The following NKX2-1 variants were observed in gnomAD, a reference collection of about 807,000 sequenced individuals.
NKX2-1 encodes the protein NK2 homeobox 1.
A neutral mutation model predicts 35.1 loss-of-function variants in NKX2-1; 9 were observed. That is an observed-to-expected ratio of 0.26 (90% CI 0.15 to 0.45). The LOEUF is 0.45. Among genes scored for constraint, NKX2-1 ranks in the 20% least tolerant of loss-of-function variants. The pLI, the probability that NKX2-1 is intolerant of heterozygous loss-of-function variation, is 1.00. For missense variants in NKX2-1, 509 were observed against 589.1 expected (o/e 0.86, Z 1.41); for synonymous variants, 284 against 269.9 (o/e 1.05, Z -0.51).
In NKX2-1 at chr14:36,520,203, C is replaced by G; in HGVS notation, c.-74G>C. 2 of 1,583,262 alleles carry G rather than the reference C, an allele frequency of 1.3e-6. No individual in the cohort carries two copies. Among genetic ancestry groups the G allele is most frequent in the South Asian group, 2.3e-5 (2 of 87,698 alleles). On this transcript the variant is annotated 5_prime_UTR_variant, in exon 1 of 3. Transcript: ENST00000354822. Reference sequence around the variant, plus strand: ...TCTGGGGACGAACCCTGGGGCCGCACTGTTGGTCTACGTGTCTGTCAGTCT... The same window carrying G: ...TCTGGGGACGAACCCTGGGGCCGCAGTGTTGGTCTACGTGTCTGTCAGTCT...
chr14:36,517,912 C>T lies in NKX2-1; in HGVS notation c.572G>A (p.Arg191His), dbSNP rs1881115573. 1 of 1,608,982 alleles carries T rather than the reference C, an allele frequency of 6.2e-7. No individual in the cohort carries two copies. Among genetic ancestry groups the T allele is most frequent in the Admixed American group, 1.7e-5 (1 of 59,878 alleles). ...CGAGAAGAGCACCCGGCGCTTCCTGCGCGGCGCGCTTGGCAGCGGGGCCAT... is the reference window on the plus strand; with the variant it reads ...CGAGAAGAGCACCCGGCGCTTCCTGTGCGGCGCGCTTGGCAGCGGGGCCAT... ...KNMAPLPSAP[R>H]RKRRVLFSQA... The change falls in exon 3 of 3, where the codon CGC becomes CAC. Residue 191 changes from arginine (R) to histidine (H), a missense_variant. Arg to His is a conservative substitution (Grantham distance 29). This residue lies in a region of NKX2-1 where 271 missense variants were observed against 284.1 expected (regional missense o/e 0.95). Coordinates refer to ENST00000354822, the MANE Select transcript of NKX2-1 (RefSeq NM_001079668.3).
rs886050484 is a variant in NKX2-1, at chr14:36,519,013, G to A, written c.435C>T (p.Gly145=). The stretch of plus-strand genomic sequence containing the variant: ...CGGGGAAGCGCGGGTCTGGGTTGGC[G>A]CCGTACCATCCGGGGCCAGAGGCGC... ...RNSASGPGWY[G]ANPDPRFPAI... The change falls in exon 2 of 3, where the codon GGC becomes GGT. Residue 145 remains glycine, a synonymous_variant. Transcript: ENST00000354822. The A allele has an allele frequency of 1.9e-6, 3 of 1,581,134 alleles. No individual in the cohort carries two copies. The African/African-American group carries it at 4.0e-5, about 21-fold the overall frequency.
intron 1 of NKX2-1, chr14:36,519,606 GT>G: frequency 6.5e-7 from 1 of 1,532,838 alleles, no homozygotes; most frequent in Non-Finnish European, 8.7e-7. Flanking sequence ...GAGGCGGGGC[GT>G]AAGCGCTAAA....
chr14:36,518,894 G>C, intron 2 of NKX2-1, 91 bp downstream of exon 2: 1 of 1,375,984 alleles, frequency 7.3e-7, no homozygotes. Context: ...GATGCCCAGC[G>C]CGCAGCCTGC....
chr14:36,517,845 C>A lies in NKX2-1; in HGVS notation c.639G>T (p.Gln213His), dbSNP rs2139407568. 1 of 1,612,682 alleles carries A rather than the reference C, an allele frequency of 6.2e-7. No individual in the cohort carries two copies. The highest frequency in any genetic ancestry group is 8.5e-7 in the Non-Finnish European group (1 of 1,179,560). Reference protein sequence around the residue: ...VYELERRFKQQKYLSAPEREH... With the variant: ...VYELERRFKQHKYLSAPEREH... Reference sequence around the variant, plus strand: ...CGCGCTCCGGCGCCGACAGGTACTTCTGTTGCTTGAAGCGTCGCTCCAGCT... The same window carrying A: ...CGCGCTCCGGCGCCGACAGGTACTTATGTTGCTTGAAGCGTCGCTCCAGCT... The change falls in exon 3 of 3, where the codon CAG becomes CAT. Residue 213 changes from glutamine to histidine, a missense_variant. Physicochemically the swap from Gln to His is conservative, Grantham distance 24 (BLOSUM62 0). This residue lies in a region of NKX2-1 where 15 missense variants were observed against 28.6 expected (regional missense o/e 0.52). Transcript: ENST00000354822.
rs1368808385 is a variant in NKX2-1, at chr14:36,517,928, G to A, written c.556C>T (p.Leu186=). 1 of 1,606,036 alleles carries A rather than the reference G, an allele frequency of 6.2e-7. No individual in the cohort carries two copies. The highest frequency in any genetic ancestry group is 1.3e-5 in the African/African-American group (1 of 74,924). The stretch of plus-strand genomic sequence containing the variant: ...CGCTTCCTGCGCGGCGCGCTTGGCA[G>A]CGGGGCCATGTTCTTGCTCACGTCC... ...LGDVSKNMAP[L]PSAPRRKRRV... is the part of the protein sequence containing the mutation. Residue 186 remains leucine, a synonymous_variant, in exon 3 of 3, where the codon CTG becomes TTG. Coordinates refer to ENST00000354822, the MANE Select transcript of NKX2-1 (RefSeq NM_001079668.3).
chr14:36,518,121 G>A, intron 2 of NKX2-1, 101 bp from the exon 3 acceptor site: 2 of 1,497,668 alleles, frequency 1.3e-6, no homozygotes, highest in Non-Finnish European at 1.8e-6. Flanking sequence ...AACCGACGGC[G>A]CCCTCCTGAC....
Position 36,520,104 on chromosome 14 carries a change from G to A in NKX2-1, c.26C>T (p.Ala9Val), listed in dbSNP as rs1312549716. The A allele has an allele frequency of 1.2e-6, 2 of 1,613,126 alleles. No individual in the cohort carries two copies. Among genetic ancestry groups the A allele is most frequent in the South Asian group, 1.1e-5 (1 of 91,066 alleles). Residue 9 changes from alanine to valine, a missense_variant, in exon 1 of 3, where the codon GCG becomes GTG. Coordinates refer to ENST00000354822, the MANE Select transcript of NKX2-1 (RefSeq NM_001079668.3). The stretch of plus-strand genomic sequence containing the variant: ...TCCCGCCGCGGCCTCCCAGCCCCGC[G>A]CCTTCCCACTGCCTCCGGACCACAT... MWSGGSGK[A>V]RGWEAAAGGR... is the part of the protein sequence containing the mutation.
At chr14:36,518,931 C>T in intron 2 of NKX2-1, 54 bp downstream of exon 2, 3 of 1,451,570 alleles carry the variant, frequency 2.1e-6, no homozygotes, top group Non-Finnish European at 2.7e-6. Flanking sequence ...GGACGGCTCT[C>T]GCCGCACCTC....
rs753215232 is a variant in NKX2-1 at position 36,517,352 on chromosome 14, A to G, written c.1132T>C (p.Ser378Pro). ...AALQGQVSSL[S>P]HLNSSGSDYG... ...TCCGAGCCCGAGGAGTTCAGGTGGGACAGGCTGGATACCTGGCCCTGCAGC... is the reference window on the plus strand; with the variant it reads ...TCCGAGCCCGAGGAGTTCAGGTGGGGCAGGCTGGATACCTGGCCCTGCAGC... The change falls in exon 3 of 3, where the codon TCC becomes CCC. Residue 378 changes from serine (S) to proline (P), a missense_variant. By Grantham distance (74) the Ser-to-Pro change is moderately conservative. Coordinates refer to ENST00000354822, the MANE Select transcript of NKX2-1 (RefSeq NM_001079668.3). The G allele has an allele frequency of 1.2e-6, 2 of 1,610,978 alleles. No individual in the cohort carries two copies. Among genetic ancestry groups the G allele is most frequent in the Non-Finnish European group, 1.7e-6 (2 of 1,179,424 alleles).
chr14:36,520,121 G>C lies in NKX2-1; in HGVS notation c.9C>G (p.Ser3=). 1 of 1,613,012 alleles carries C rather than the reference G, an allele frequency of 6.2e-7. No homozygotes were observed. The highest frequency in any genetic ancestry group is 1.1e-5 in the South Asian group (1 of 91,066). The change falls in exon 1 of 3, where the codon TCC becomes TCG. Residue 3 remains serine (S), a synonymous_variant. Transcript: ENST00000354822. MW[S]GGSGKARGWE... ...AGCCCCGCGCCTTCCCACTGCCTCC[G>C]GACCACATCGGGCTTCGCTGCGCTG...
In NKX2-1 at chr14:36,516,940, C is replaced by T. The variant is rs924090033; in HGVS notation, c.*338G>A. 7.8e-6 allele frequency: 3 copies of T among 383,930 alleles called. No individual in the cohort carries two copies. The South Asian group carries it at 9.7e-5, about 12-fold the overall frequency. The allele number at this position is 383,930 out of a possible 1,614,324, so 23.8% of individuals were successfully genotyped here. A position where few individuals can be genotyped will look rare whatever the true frequency, so the allele number is the denominator to read the frequency against. On this transcript the variant is annotated 3_prime_UTR_variant, in exon 3 of 3. Coordinates refer to ENST00000354822, the MANE Select transcript of NKX2-1 (RefSeq NM_001079668.3). ...AGCACAGAGCCCTCTCCAATCTGTG[C>T]CCCGCCCTAGCGTGGAAAACCCATT... is the stretch of plus-strand genomic sequence containing the variant.
rs1422890661 is a variant in NKX2-1, at chr14:36,517,723, G to T, written c.761C>A (p.Ala254Glu). Residue 254 changes from alanine (A) to glutamate (E), a missense_variant, in exon 3 of 3, where the codon GCG becomes GAG. Physicochemically the swap from Ala to Glu is moderately radical, Grantham distance 107. Around this residue, in one of 5 missense-constraint regions of NKX2-1, gnomAD observed 212 missense variants for 227.7 expected, o/e 0.93. Coordinates refer to ENST00000354822, the MANE Select transcript of NKX2-1 (RefSeq NM_001079668.3). Reference protein sequence around the residue: ...YKMKRQAKDKAAQQQLQQDSG... With the variant: ...YKMKRQAKDKEAQQQLQQDSG... ...GTCCTGCTGCAGTTGCTGCTGCGCC[G>T]CCTTGTCCTTGGCCTGGCGCTTCAT... 1 of 1,605,864 alleles carries T rather than the reference G, an allele frequency of 6.2e-7. No homozygotes were observed. The highest frequency in any genetic ancestry group is 1.7e-5 in the Admixed American group (1 of 59,294).
Position 36,519,290 on chromosome 14 carries a change from C to T in NKX2-1, c.158G>A (p.Ser53Asn), listed in dbSNP as rs1269165387. The T allele has an allele frequency of 4.3e-6, 7 of 1,612,846 alleles. No individual in the cohort carries two copies. In the South Asian group the frequency reaches 7.7e-5, roughly 18 times the overall value. ...GCCCTCCATGCCCACTTTCTTGTAG[C>T]TTTCCTCCAGGGGACTCAAGATGTC... ...VSDILSPLEE[S>N]YKKVGMEGGG... The change falls in exon 2 of 3, where the codon AGC (serine) becomes AAC (asparagine). Residue 53 changes from serine (S) to asparagine (N), a missense_variant. Coordinates refer to ENST00000354822, the MANE Select transcript of NKX2-1 (RefSeq NM_001079668.3).
Position 36,520,040 on chromosome 14 carries a change from G to A in NKX2-1, c.77+13C>T, listed in dbSNP as rs1324905775. ...TAGGAGGAGGGGGCTGAGGGACAGG[G>A]TGGGGGTTTCACCTGAGCCTGCCGG... On this transcript the variant is annotated intron_variant, in intron 1 of 2. Transcript: ENST00000354822. 1.2e-6 allele frequency: 2 copies of A among 1,613,006 alleles called. No individual in the cohort carries two copies. Among genetic ancestry groups the A allele is most frequent in the Non-Finnish European group, 1.7e-6 (2 of 1,179,808 alleles).
intron 1 of NKX2-1, 65 bp downstream of exon 1, chr14:36,519,988 G>T (rs965527168): frequency 1.1e-5 from 17 of 1,603,528 alleles, no homozygotes; most frequent in Admixed American, 3.4e-5. Context: ...CAATTCGGTC[G>T]GGGTTCCCCG....
rs918077408 is a variant in NKX2-1, at chr14:36,520,153, A to G, written c.-24T>C. 1 of 1,611,934 alleles carries G rather than the reference A, an allele frequency of 6.2e-7. No homozygotes were observed. The highest frequency in any genetic ancestry group is 8.5e-7 in the Non-Finnish European group (1 of 1,179,668). On this transcript the variant is annotated 5_prime_UTR_variant, in exon 1 of 3. Coordinates refer to ENST00000354822, the MANE Select transcript of NKX2-1 (RefSeq NM_001079668.3). ...ATCGGGCTTCGCTGCGCTGAGCCCC[A>G]GTCGCCAACAAATGAGCGAGCGAGT...
In NKX2-1 at chr14:36,520,101, C is replaced by A. The variant is rs201979429; in HGVS notation, c.29G>T (p.Arg10Leu). The A allele has an allele frequency of 6.2e-7, 1 of 1,613,170 alleles. No individual in the cohort carries two copies. Among genetic ancestry groups the A allele is most frequent in the African/African-American group, 1.3e-5 (1 of 75,044 alleles). Reference sequence around the variant, plus strand: ...CCCTCCCGCCGCGGCCTCCCAGCCCCGCGCCTTCCCACTGCCTCCGGACCA... The same window carrying A: ...CCCTCCCGCCGCGGCCTCCCAGCCCAGCGCCTTCCCACTGCCTCCGGACCA... MWSGGSGKA[R>L]GWEAAAGGRS... The change falls in exon 1 of 3, where the codon CGG (arginine) becomes CTG (leucine). Residue 10 changes from arginine (R) to leucine (L), a missense_variant. By Grantham distance (102) the Arg-to-Leu change is moderately radical. Transcript: ENST00000354822.
At chr14:36,518,679 G>A (rs1351866462) in intron 2 of NKX2-1, among the ~76,000 whole-genome samples, 3 of 152,180 alleles carry the variant, frequency 2.0e-5, no homozygotes, top group African/African-American at 7.2e-5. Flanking sequence ...CCTTGAGCTC[G>A]GGGTCGCTTC....
Sources: gnomAD v4.1 joint callset for allele counts (sites outside exome capture counted in the v4.1 genomes callset) on GRCh38, gnomAD v4.1.1 for gene constraint, gnomAD v4.1.1 regional missense constraint, MANE v1.5 for transcripts, NCBI Gene and HGNC (gene_info 2026-07-23, HGNC 2026-07-21) for gene names.